The following MAPKAP1 variants were observed in gnomAD, a reference collection of about 807,000 sequenced individuals.
MAPKAP1 encodes MAPK associated protein 1.
MAPKAP1 carries 20 observed loss-of-function variants against 65.7 expected under a neutral mutation model. The observed-to-expected ratio is 0.30, with a 90% confidence interval of 0.21 to 0.44. The LOEUF is 0.44. MAPKAP1 is among the 20% of genes least tolerant of loss of function. MAPKAP1 has a pLI of 1.00. For missense variants in MAPKAP1, 423 were observed against 648.0 expected (o/e 0.65, Z 3.77); for synonymous variants, 222 against 244.3 (o/e 0.91, Z 0.85).
chr9:125,642,173 C>G (rs1289800635), intron 4 of MAPKAP1, among the ~76,000 whole-genome samples: 1 of 151,174 alleles, frequency 6.6e-6, no homozygotes, highest in African/African-American at 2.4e-5. Context: ...TCCCTGCACT[C>G]CAGCCTGGGC....
intron 10 of MAPKAP1, among the ~76,000 whole-genome samples, chr9:125,462,202 A>G (rs765058830): frequency 2.6e-5 from 4 of 152,216 alleles, no homozygotes; most frequent in African/African-American, 9.6e-5. Context: ...TCCGACGGAT[A>G]AGCTGGGGTG....
At chr9:125,614,886 A>G (rs1832702786) in intron 4 of MAPKAP1, among the ~76,000 whole-genome samples, 1 of 152,184 alleles carries the variant, frequency 6.6e-6, no homozygotes, top group African/African-American at 2.4e-5. Context: ...TCTTTTCAAC[A>G]TGGTATTGTG....
intron 9 of MAPKAP1, among the ~76,000 whole-genome samples, chr9:125,474,634 T>A (rs1052424564): frequency 6.6e-6 from 1 of 152,190 alleles, no homozygotes; most frequent in Non-Finnish European, 1.5e-5. Context: ...AGGAGACTGC[T>A]TGACTCTTGG....
At chr9:125,569,335 C>T (rs906176874) in intron 5 of MAPKAP1, among the ~76,000 whole-genome samples, 13 of 152,240 alleles carry the variant, frequency 8.5e-5, no homozygotes, top group Non-Finnish European at 1.9e-4. Flanking sequence ...GAAATGGAGA[C>T]TGCCCCATGC....
intron 5 of MAPKAP1, among the ~76,000 whole-genome samples, chr9:125,570,436 T>C (rs539894576): frequency 6.6e-6 from 1 of 152,360 alleles, no homozygotes; most frequent in Non-Finnish European, 1.5e-5. Context: ...CATGTGGAGT[T>C]AGACATGCCC....
chr9:125,690,377 G>A (rs1382541669), intron 1 of MAPKAP1, among the ~76,000 whole-genome samples: 2 of 152,224 alleles, frequency 1.3e-5, no homozygotes, highest in African/African-American at 2.4e-5. Context: ...TTGCAGTGGA[G>A]GAAGCCAAGG....
At chr9:125,644,282 A>G (rs1833663175) in intron 4 of MAPKAP1, among the ~76,000 whole-genome samples, 1 of 152,228 alleles carries the variant, frequency 6.6e-6, no homozygotes, top group Non-Finnish European at 1.5e-5. Context: ...TATTTTCATT[A>G]AAGATGGGGT....
intron 4 of MAPKAP1, among the ~76,000 whole-genome samples, chr9:125,597,264 CAAAAAAAAAAAAAAAAAA>C (rs35917056): frequency 1.9e-5 from 1 of 52,656 alleles, no homozygotes; most frequent in Non-Finnish European, 3.0e-5. Flanking sequence ...GACTCCGTCT[CAAAAAAAAAAAAAAAAAA>C]AAAAAAAAAA....
intron 10 of MAPKAP1, among the ~76,000 whole-genome samples, chr9:125,462,494 CTGA>C (rs1370520122): frequency 1.3e-5 from 2 of 152,238 alleles, no homozygotes; most frequent in African/African-American, 4.8e-5. Flanking sequence ...AAGACAGCCT[CTGA>C]ACTGGGGCTA....
At chr9:125,580,779 T>A (rs1244085863) in intron 5 of MAPKAP1, among the ~76,000 whole-genome samples, 1 of 152,164 alleles carries the variant, frequency 6.6e-6, no homozygotes, top group Non-Finnish European at 1.5e-5. Flanking sequence ...TTGGATTACA[T>A]GTATATATCT....
At chr9:125,493,013 G>A (rs563810108) in intron 8 of MAPKAP1, among the ~76,000 whole-genome samples, 4 of 151,968 alleles carry the variant, frequency 2.6e-5, no homozygotes, top group African/African-American at 9.7e-5. Context: ...AGTCCACAAA[G>A]CATGAGGACC....
intron 4 of MAPKAP1, among the ~76,000 whole-genome samples, chr9:125,638,878 C>G (rs1833498025): frequency 6.6e-6 from 1 of 152,240 alleles, no homozygotes; most frequent in Non-Finnish European, 1.5e-5. Flanking sequence ...GGGCCAACCC[C>G]TTCGGGAAAA....
At chr9:125,449,928 CTCT>C (rs1426603780) in intron 10 of MAPKAP1, among the ~76,000 whole-genome samples, 3 of 151,980 alleles carry the variant, frequency 2.0e-5, no homozygotes, top group Non-Finnish European at 2.9e-5. Context: ...TCAATTTTTG[CTCT>C]TTTTTTTTTG....
At chr9:125,641,665 G>A (rs566815014) in intron 4 of MAPKAP1, among the ~76,000 whole-genome samples, 1 of 151,568 alleles carries the variant, frequency 6.6e-6, no homozygotes, top group Non-Finnish European at 1.5e-5. Flanking sequence ...CAGGACTTTG[G>A]GAGGCCACGG....
chr9:125,538,833 C>T (rs1830149871), intron 7 of MAPKAP1, among the ~76,000 whole-genome samples: 1 of 152,100 alleles, frequency 6.6e-6, no homozygotes. Context: ...CAGGGGAGCA[C>T]ATAAGTGAAT....
intron 10 of MAPKAP1, among the ~76,000 whole-genome samples, chr9:125,459,860 A>AGGGAGAGGGAGACCGTG (rs1853411755): frequency 3.5e-5 from 5 of 142,730 alleles, no homozygotes; most frequent in Admixed American, 3.5e-4. Context: ...CCGTGGGGAG[A>AGGGAGAGGGAGACCGTG]GGGAGAGGGA....
At chr9:125,488,655 A>G (rs1324286819) in intron 8 of MAPKAP1, among the ~76,000 whole-genome samples, 2 of 152,246 alleles carry the variant, frequency 1.3e-5, no homozygotes, top group Non-Finnish European at 2.9e-5. Context: ...CTCCAGTGTC[A>G]TTTCTCAAAG....
chr9:125,687,873 A>G (rs563507023), intron 1 of MAPKAP1, among the ~76,000 whole-genome samples: 3 of 152,346 alleles, frequency 2.0e-5, no homozygotes, highest in African/African-American at 7.2e-5. Context: ...TATTCTAGCT[A>G]TATCTTTTTG....
chr9:125,480,200 G>T (rs1490661089), intron 9 of MAPKAP1, among the ~76,000 whole-genome samples: 1 of 152,104 alleles, frequency 6.6e-6, no homozygotes, highest in Non-Finnish European at 1.5e-5. Context: ...ACGTGGGATG[G>T]GAAAATGGGT....
Sources: gnomAD v4.1 joint callset for allele counts (sites outside exome capture counted in the v4.1 genomes callset) on GRCh38, gnomAD v4.1.1 for gene constraint, MANE v1.5 for transcripts, NCBI Gene and HGNC (gene_info 2026-07-23, HGNC 2026-07-21) for gene names.